The following KMT2C variants were observed in gnomAD, a reference collection of about 807,000 sequenced individuals.
KMT2C encodes histone-lysine N-methyltransferase 2C.
A neutral mutation model predicts 507.9 loss-of-function variants in KMT2C; 88 were observed. The ratio of observed to expected loss-of-function variants is 0.17; its 90% confidence interval spans 0.15 to 0.21. The LOEUF is 0.21. Among genes scored for constraint, KMT2C ranks in the 10% least tolerant of loss-of-function variants. The pLI is 1.00. For synonymous variants in KMT2C, 2,049 were observed against 2,080.8 expected, an observed-to-expected ratio of 0.98 and a Z score of 0.42; for missense variants, 4,954 against 5,957.8, an observed-to-expected ratio of 0.83 and a Z score of 5.55.
intron 9 of KMT2C, among the ~76,000 whole-genome samples, chr7:152,256,229 C>T (rs1442451339): frequency 6.6e-6 from 1 of 151,990 alleles, no homozygotes; most frequent in Non-Finnish European, 1.5e-5. Flanking sequence ...TCCTCTATAC[C>T]CTCAGTGTAG....
chr7:152,145,088 G>C, intron 54 of KMT2C, 65 bp downstream of exon 54: 1 of 1,557,928 alleles, frequency 6.4e-7, no homozygotes, highest in South Asian at 1.2e-5. Flanking sequence ...GACAAATCAA[G>C]CACAGGAAAC....
At chr7:152,318,015 G>A (rs976848441) in intron 3 of KMT2C, among the ~76,000 whole-genome samples, 9 of 151,966 alleles carry the variant, frequency 5.9e-5, no homozygotes, top group South Asian at 2.1e-4. Context: ...GCAGGCGCCC[G>A]TAATCCAAGC....
intron 27 of KMT2C, among the ~76,000 whole-genome samples, chr7:152,196,871 C>T (rs189763321): frequency 5.3e-5 from 8 of 152,010 alleles, no homozygotes; most frequent in Non-Finnish European, 5.9e-5. Context: ...GCCGGGTTTG[C>T]CAACGAGAGG....
At chr7:152,261,381 G>C (rs578083782) in intron 9 of KMT2C, among the ~76,000 whole-genome samples, 29 of 152,048 alleles carry the variant, frequency 1.9e-4, no homozygotes, top group African/African-American at 7.0e-4. Flanking sequence ...AATTAATAGT[G>C]GTCAATTGTA....
intron 7 of KMT2C, among the ~76,000 whole-genome samples, chr7:152,268,334 T>TTGGTATTTGG (rs1367733045): frequency 2.0e-5 from 3 of 152,140 alleles, no homozygotes; most frequent in Admixed American, 2.0e-4. Context: ...CCAAATACCT[T>TTGGTATTTGG]TAGTTGTTGA....
At chr7:152,318,105 T>G (rs1367047854) in intron 3 of KMT2C, among the ~76,000 whole-genome samples, 2 of 151,900 alleles carry the variant, frequency 1.3e-5, no homozygotes, top group African/African-American at 4.8e-5. Flanking sequence ...GCCACTGCAC[T>G]CCAGCCTAGG....
intron 2 of KMT2C, among the ~76,000 whole-genome samples, chr7:152,355,807 T>C (rs7791121): frequency 0.18 from 27,738 of 152,030 alleles, 2,762 homozygotes; most frequent in African/African-American, 0.24. Flanking sequence ...GTAGTAATCA[T>C]AGGTATAAAT....
intron 28 of KMT2C, among the ~76,000 whole-genome samples, chr7:152,194,899 T>C (rs1406076526): frequency 6.7e-6 from 1 of 150,364 alleles, no homozygotes; most frequent in African/African-American, 2.4e-5. Context: ...GATATGCAAA[T>C]AATTGCTTTA....
chr7:152,255,138 T>C lies in KMT2C; in HGVS notation c.1300-2423A>G, dbSNP rs1344581509. 3.9e-3 allele frequency among the ~76,000 whole-genome samples: 485 copies of C among 124,758 alleles called. 2 individuals carry two copies. Among genetic ancestry groups the C allele is most frequent in the African/African-American group, 0.016 (460 of 29,400 alleles). 81.8% of individuals were successfully genotyped at this position (124,758 alleles called of 152,430 possible). ...ATATATATATATATATATATATATA[T>C]ATATATACATATATATATATGTGTG... On this transcript the variant is annotated intron_variant, in intron 9 of 58. Coordinates refer to ENST00000262189, the MANE Select transcript of KMT2C (RefSeq NM_170606.3).
intron 14 of KMT2C, among the ~76,000 whole-genome samples, chr7:152,241,913 C>T (rs1298281277): frequency 2.0e-5 from 3 of 151,760 alleles, no homozygotes; most frequent in African/African-American, 4.8e-5. Context: ...AGCTTTGATG[C>T]CAAAATTTTA....
chr7:152,248,523 A>G lies in KMT2C; in HGVS notation c.1911T>C (p.Ile637=). Residue 637 remains isoleucine (I), a synonymous_variant, in exon 14 of 59, where the codon ATT becomes ATC. Transcript: ENST00000262189. ...TATCTTCAATTTGATCTTCGCCACAAATATGCTTCACTTCAGAAGACATTT... is the reference window on the plus strand; with the variant it reads ...TATCTTCAATTTGATCTTCGCCACAGATATGCTTCACTTCAGAAGACATTT... ...DLKMSSEVKH[I]CGEDQIEDKM... 6.2e-7 allele frequency: 1 copy of G among 1,613,998 alleles called. No individual in the cohort carries two copies. The highest frequency in any genetic ancestry group is 8.5e-7 in the Non-Finnish European group (1 of 1,179,954).
rs1242170012 is a variant in KMT2C at position 152,144,629 on chromosome 7, T to C, written c.14343+84A>G. 2.3e-6 allele frequency: 3 copies of C among 1,326,858 alleles called. No individual in the cohort carries two copies. Among genetic ancestry groups the C allele is most frequent in the African/African-American group, 1.5e-5 (1 of 68,828 alleles). The allele number at this position is 1,326,858 out of a possible 1,614,324, so 82.2% of individuals were successfully genotyped here. ...CTGTCCCTGCAGCTATGTGAAATCA[T>C]TTTCACATACTGGACATCAATAGCT... On this transcript the variant is annotated intron_variant, in intron 55 of 58. Coordinates refer to ENST00000262189, the MANE Select transcript of KMT2C (RefSeq NM_170606.3). This position sits in a 1 kb window ranked among gnomAD's most constrained non-coding sequence, Gnocchi z 4.4.
At chr7:152,340,314 T>A (rs2096979762) in intron 2 of KMT2C, among the ~76,000 whole-genome samples, 1 of 152,062 alleles carries the variant, frequency 6.6e-6, no homozygotes, top group South Asian at 2.1e-4. Context: ...TTAAATAGAA[T>A]AACTGACTTC....
At chr7:152,344,756 G>A (rs1453068805) in intron 2 of KMT2C, among the ~76,000 whole-genome samples, 4 of 152,172 alleles carry the variant, frequency 2.6e-5, no homozygotes, top group Admixed American at 6.5e-5. Flanking sequence ...GGGAGGCCGA[G>A]GCGGGCAGAT....
At chr7:152,161,368 C>A (rs2092446702) in intron 43 of KMT2C, among the ~76,000 whole-genome samples, 1 of 152,086 alleles carries the variant, frequency 6.6e-6, no homozygotes, top group Non-Finnish European at 1.5e-5. Context: ...ATTTGAGAAG[C>A]TCTCTAGGGA....
chr7:152,331,088 C>G (rs575094140), intron 2 of KMT2C, among the ~76,000 whole-genome samples: 2 of 152,112 alleles, frequency 1.3e-5, no homozygotes, highest in East Asian at 3.9e-4. Flanking sequence ...CAAGCAAATC[C>G]CTTGAGCTCA....
intron 1 of KMT2C, among the ~76,000 whole-genome samples, chr7:152,397,833 G>T (rs1235717106): frequency 6.6e-6 from 1 of 152,116 alleles, no homozygotes; most frequent in Non-Finnish European, 1.5e-5. Context: ...CGTAAGACAT[G>T]CCTTCTGCTG....
chr7:152,290,212 A>ATG (rs2096387081), intron 6 of KMT2C, among the ~76,000 whole-genome samples: 3 of 101,360 alleles, frequency 3.0e-5, no homozygotes, highest in East Asian at 2.9e-4. Context: ...AATAAATTTT[A>ATG]TATATATATG....
intron 11 of KMT2C, 21 bp from the exon 12 acceptor site, chr7:152,250,987 T>C (rs1173217936): frequency 7.4e-7 from 1 of 1,350,650 alleles, no homozygotes; most frequent in African/African-American, 1.4e-5. Flanking sequence ...AATTATTAAT[T>C]CTTTAGCTCA....
Sources: gnomAD v4.1 joint callset for allele counts (sites outside exome capture counted in the v4.1 genomes callset) on GRCh38, gnomAD v4.1.1 for gene constraint, Gnocchi (gnomAD v3.1) non-coding constraint, MANE v1.5 for transcripts, NCBI Gene and HGNC (gene_info 2026-07-23, HGNC 2026-07-21) for gene names.